LARGE1: variants seen among roughly 807,000 people sequenced by gnomAD.
The protein encoded by LARGE1 is LARGE xylosyl- and glucuronyltransferase 1.
A neutral mutation model predicts 87.6 loss-of-function variants in LARGE1; 43 were observed. The observed-to-expected ratio is 0.49, with a 90% CI of 0.38 to 0.63. The LOEUF is 0.63. Among genes scored for constraint, LARGE1 ranks in the 30% least tolerant of loss-of-function variants. The pLI is 0.00. For synonymous variants in LARGE1, 434 were observed against 394.6 expected, an observed-to-expected ratio of 1.10 and a Z score of -1.18; for missense variants, 802 against 1,000.2, an observed-to-expected ratio of 0.80 and a Z score of 2.67.
intron 12 of LARGE1, among the ~76,000 whole-genome samples, chr22:33,301,157 G>A (rs1170038578): frequency 2.6e-5 from 4 of 152,140 alleles, no homozygotes; most frequent in East Asian, 1.9e-4. Context: ...CACTGGTAAC[G>A]TCTGGGTCAG....
chr22:33,852,060 C>T (rs1654663532), intron 1 of LARGE1, among the ~76,000 whole-genome samples: 1 of 152,208 alleles, frequency 6.6e-6, no homozygotes, highest in South Asian at 2.1e-4. Context: ...AAGAAGAGAA[C>T]ACACAAAGGC....
At chr22:33,553,841 T>C (rs1464794347) in intron 6 of LARGE1, among the ~76,000 whole-genome samples, 1 of 152,086 alleles carries the variant, frequency 6.6e-6, no homozygotes, top group South Asian at 2.1e-4. Context: ...CAGAGATGTC[T>C]TTCCTCCCCC....
intron 4 of LARGE1, among the ~76,000 whole-genome samples, chr22:33,613,064 G>A (rs1444741647): frequency 6.6e-6 from 1 of 152,162 alleles, no homozygotes; most frequent in African/African-American, 2.4e-5. Context: ...TAGCTTGCCT[G>A]AGAATATACA....
At chr22:33,316,009 C>A in intron 11 of LARGE1, 76 bp downstream of exon 11, 1 of 1,510,628 alleles carries the variant, frequency 6.6e-7, no homozygotes. Context: ...GAAGCAGGCA[C>A]ACCCTTCTCC....
intron 1 of LARGE1, among the ~76,000 whole-genome samples, chr22:33,815,281 C>A (rs1454784494): frequency 1.3e-5 from 2 of 152,200 alleles, no homozygotes; most frequent in Non-Finnish European, 2.9e-5. Context: ...GTCCTCATCA[C>A]CTCGTCTAAG....
chr22:33,602,553 A>T (rs1183699883), intron 5 of LARGE1, among the ~76,000 whole-genome samples: 1 of 151,850 alleles, frequency 6.6e-6, no homozygotes, highest in Non-Finnish European at 1.5e-5. Context: ...TTTTTTGTAG[A>T]GACACGCATC....
chr22:33,227,678 T>C (rs555480526), intron 11 of LARGE1, among the ~76,000 whole-genome samples: 54 of 152,316 alleles, frequency 3.5e-4, no homozygotes, highest in African/African-American at 1.3e-3. Flanking sequence ...AGTCTCTATC[T>C]GCAGTTCTAA....
chr22:33,187,275 T>C (rs1923524581), intron 11 of LARGE1, among the ~76,000 whole-genome samples: 1 of 152,106 alleles, frequency 6.6e-6, no homozygotes. Context: ...ATAAAGAAAA[T>C]GTGGTATATG....
intron 10 of LARGE1, among the ~76,000 whole-genome samples, chr22:33,336,426 C>T (rs1938449256): frequency 6.6e-6 from 1 of 152,080 alleles, no homozygotes. Flanking sequence ...TCTTAAACTC[C>T]TGACCTCAAG....
At chr22:33,542,957 T>C (rs1158240011) in intron 6 of LARGE1, among the ~76,000 whole-genome samples, 1 of 152,148 alleles carries the variant, frequency 6.6e-6, no homozygotes, top group African/African-American at 2.4e-5. Flanking sequence ...TTCTTGACCT[T>C]TGCAACAAAA....
chr22:33,258,483 A>G (rs1927438476), intron 11 of LARGE1, among the ~76,000 whole-genome samples: 1 of 152,216 alleles, frequency 6.6e-6, no homozygotes, highest in Admixed American at 6.5e-5. Flanking sequence ...CATTTGAATC[A>G]GAGCAACTCC....
intron 2 of LARGE1, among the ~76,000 whole-genome samples, chr22:33,715,048 T>C (rs957225138): frequency 1.3e-5 from 2 of 152,190 alleles, no homozygotes; most frequent in African/African-American, 4.8e-5. Context: ...TGATGGAGGC[T>C]TCACTTCCAC....
intron 11 of LARGE1, among the ~76,000 whole-genome samples, chr22:33,175,526 G>A (rs1602047468): frequency 6.6e-6 from 1 of 152,218 alleles, no homozygotes; most frequent in East Asian, 1.9e-4. Context: ...CAAGCAGAGA[G>A]CCAAATCATG....
chr22:33,294,810 G>C (rs1000155943), intron 12 of LARGE1, among the ~76,000 whole-genome samples: 5 of 152,198 alleles, frequency 3.3e-5, no homozygotes, highest in African/African-American at 1.2e-4. Flanking sequence ...CACTCAGTAA[G>C]TGTATAGGGA....
At chr22:33,415,700 G>C (rs565568214) in intron 7 of LARGE1, among the ~76,000 whole-genome samples, 4 of 152,284 alleles carry the variant, frequency 2.6e-5, no homozygotes, top group South Asian at 4.2e-4. Flanking sequence ...GATGACTTTA[G>C]TGCCCTGGGC....
At chr22:33,092,549 C>T in the LARGE1 span, among the ~76,000 whole-genome samples, 3 of 152,102 alleles carry the variant, frequency 2.0e-5, no homozygotes, top group African/African-American at 7.2e-5. Flanking sequence ...GTTTGCTGCA[C>T]CCATCAACCC....
chr22:33,781,677 T>A (rs1226907764), intron 1 of LARGE1, among the ~76,000 whole-genome samples: 1 of 152,198 alleles, frequency 6.6e-6, no homozygotes, highest in Non-Finnish European at 1.5e-5. Context: ...GGGTGACCCA[T>A]CACTCACCTA....
the LARGE1 span, among the ~76,000 whole-genome samples, chr22:33,072,332 T>C: frequency 6.6e-6 from 1 of 152,154 alleles, no homozygotes; most frequent in Non-Finnish European, 1.5e-5. Context: ...CTGTATGGTA[T>C]TTTAAGAGAG....
intron 7 of LARGE1, among the ~76,000 whole-genome samples, chr22:33,411,631 T>C (rs1196678830): frequency 4.6e-5 from 7 of 152,214 alleles, no homozygotes; most frequent in African/African-American, 1.7e-4. Flanking sequence ...TTAGGAGCTA[T>C]TGTGTACCAA....
Sources: gnomAD v4.1 joint callset for allele counts (sites outside exome capture counted in the v4.1 genomes callset) on GRCh38, gnomAD v4.1.1 for gene constraint, MANE v1.5 for transcripts, NCBI Gene and HGNC (gene_info 2026-07-23, HGNC 2026-07-21) for gene names.